PPFIA1: variants seen among roughly 807,000 people sequenced by gnomAD.
PPFIA1 encodes liprin-alpha-1.
PPFIA1 carries 25 observed loss-of-function variants against 149.9 expected under a neutral mutation model. That is an observed-to-expected ratio of 0.17 (90% CI 0.12 to 0.23). PPFIA1 has a LOEUF of 0.23. PPFIA1 is among the 10% of genes least tolerant of loss of function. PPFIA1 has a pLI of 1.00. For synonymous variants in PPFIA1, 549 were observed against 552.8 expected (o/e 0.99, Z 0.10); for missense variants, 1,362 against 1,506.5 (o/e 0.90, Z 1.59).
At chr11:70,369,916 C>G (rs1253563543) in intron 21 of PPFIA1, among the ~76,000 whole-genome samples, 1 of 151,674 alleles carries the variant, frequency 6.6e-6, no homozygotes, top group African/African-American at 2.4e-5. Flanking sequence ...AAGTTACCGA[C>G]ATGGCCACCA....
chr11:70,295,415 TG>T lies in PPFIA1; in HGVS notation c.264+22981del, dbSNP rs1212117717. 3.5e-4 allele frequency among the ~76,000 whole-genome samples: 48 copies of T among 138,448 alleles called. 1 individual carries two copies. Among genetic ancestry groups the T allele is most frequent in the South Asian group, 4.9e-4 (2 of 4,062 alleles). 90.8% of individuals were successfully genotyped at this position (138,448 alleles called of 152,430 possible). On this transcript the variant is annotated intron_variant, in intron 2 of 27. Transcript: ENST00000253925. ...CCATCTCCCTCCCGGATGAGGTGGC[TG>T]GCCGGGCACAGGGGCTCCTCACTTC...
At chr11:70,337,275 G>GT in intron 11 of PPFIA1, 90 bp from the exon 12 acceptor site, 1 of 877,082 alleles carries the variant, frequency 1.1e-6, no homozygotes, top group Non-Finnish European at 1.7e-6. Context: ...CCCTTTGTGT[G>GT]GTCCTTTTTT....
intron 2 of PPFIA1, among the ~76,000 whole-genome samples, chr11:70,299,084 C>G (rs2052293927): frequency 2.6e-5 from 4 of 151,928 alleles, no homozygotes; most frequent in Admixed American, 2.0e-4. Context: ...ACTAAAAACA[C>G]AAAAATTAGC....
rs1261429381 is a variant in PPFIA1, at chr11:70,375,196, A to C, written c.3315+103A>C. 4.5e-5 allele frequency: 19 copies of C among 419,940 alleles called. No homozygotes were observed. The East Asian group carries it at 8.2e-4, about 18-fold the overall frequency. The allele number at this position is 419,940 out of a possible 1,614,324, so 26.0% of individuals were successfully genotyped here. A position where few individuals can be genotyped will look rare whatever the true frequency, so the allele number is the denominator to read the frequency against. On this transcript the variant is annotated intron_variant, in intron 24 of 27. Coordinates refer to ENST00000253925, the MANE Select transcript of PPFIA1 (RefSeq NM_003626.5). ...AAAGAAACTTTAAAAAAAAAAAAAA[A>C]AAAAAACTTCAGACAACTAGTTTTT...
intron 21 of PPFIA1, among the ~76,000 whole-genome samples, chr11:70,367,893 T>G (rs1332168215): frequency 6.6e-6 from 1 of 152,122 alleles, no homozygotes; most frequent in Non-Finnish European, 1.5e-5. Context: ...CCCAGCACTT[T>G]GGGAGGCTGA....
chr11:70,334,024 G>T (rs2054825762), intron 10 of PPFIA1, among the ~76,000 whole-genome samples: 1 of 152,176 alleles, frequency 6.6e-6, no homozygotes, highest in Admixed American at 6.5e-5. Context: ...TGGCGTGTTG[G>T]AATGAATGTT....
intron 26 of PPFIA1, among the ~76,000 whole-genome samples, chr11:70,378,906 A>G (rs2057594023): frequency 6.6e-6 from 1 of 152,142 alleles, no homozygotes; most frequent in Non-Finnish European, 1.5e-5. Context: ...CCTTGTACTC[A>G]TCTAATGAAA....
intron 23 of PPFIA1, chr11:70,374,643 C>T: frequency 2.8e-6 from 1 of 362,952 alleles, no homozygotes; most frequent in Non-Finnish European, 4.9e-6. Flanking sequence ...GGATCCTCAT[C>T]ATCTTCTTTT....
At chr11:70,317,689 G>A (rs140486586) in intron 2 of PPFIA1, among the ~76,000 whole-genome samples, 49 of 152,216 alleles carry the variant, frequency 3.2e-4, no homozygotes, top group Non-Finnish European at 5.9e-4. Context: ...GAGTGACAGC[G>A]TGCTGGGGGG....
intron 2 of PPFIA1, among the ~76,000 whole-genome samples, chr11:70,318,448 T>C (rs968984501): frequency 4.6e-5 from 7 of 152,334 alleles, no homozygotes; most frequent in African/African-American, 1.7e-4. Context: ...GTCACTTGAC[T>C]TACCTGCTTT....
At chr11:70,338,534 A>C in intron 13 of PPFIA1, 81 bp downstream of exon 13, 3 of 1,145,144 alleles carry the variant, frequency 2.6e-6, no homozygotes, top group Admixed American at 3.7e-5. Flanking sequence ...GCCTAACTGG[A>C]TGTGGCTAAT....
chr11:70,330,340 T>C (rs749052345), intron 8 of PPFIA1, 21 bp downstream of exon 8: 1 of 1,540,562 alleles, frequency 6.5e-7, no homozygotes, highest in Admixed American at 2.3e-5. Context: ...TTATCGACCT[T>C]TGTCTGGCTT....
At chr11:70,338,661 G>A (rs897819427) in intron 13 of PPFIA1, among the ~76,000 whole-genome samples, 1 of 152,244 alleles carries the variant, frequency 6.6e-6, no homozygotes, top group African/African-American at 2.4e-5. Flanking sequence ...CACAGGAGGA[G>A]TTTTGATCAG....
rs1324943861 is a variant in PPFIA1, at chr11:70,383,442, G to A, written c.*452G>A. 5.6e-6 allele frequency: 1 copy of A among 178,308 alleles called. No individual in the cohort carries two copies. The highest frequency in any genetic ancestry group is 2.4e-5 in the African/African-American group (1 of 41,546). The allele number at this position is 178,308 out of a possible 1,614,324, so 11.0% of individuals were successfully genotyped here. ...AAGGATTTTACGTTTATAAAATTAT[G>A]ACAGAAGCCATGTGCATTATCCTTT... On this transcript the variant is annotated 3_prime_UTR_variant, in exon 28 of 28. Coordinates refer to ENST00000253925, the MANE Select transcript of PPFIA1 (RefSeq NM_003626.5).
At chr11:70,336,848 G>C (rs2137022692) in intron 11 of PPFIA1, among the ~76,000 whole-genome samples, 1 of 152,274 alleles carries the variant, frequency 6.6e-6, no homozygotes, top group East Asian at 1.9e-4. Flanking sequence ...GTTAGGATTG[G>C]GGTCTGCTCA....
intron 2 of PPFIA1, among the ~76,000 whole-genome samples, chr11:70,278,031 C>A (rs1474092432): frequency 6.6e-6 from 1 of 152,046 alleles, no homozygotes; most frequent in African/African-American, 2.4e-5. Context: ...CTGCCTCAGC[C>A]GCCCGAGTAG....
chr11:70,288,518 A>G (rs1289512275), intron 2 of PPFIA1, among the ~76,000 whole-genome samples: 1 of 152,072 alleles, frequency 6.6e-6, no homozygotes, highest in Non-Finnish European at 1.5e-5. Context: ...GAGACCGTCA[A>G]CCTCATGGTT....
intron 2 of PPFIA1, among the ~76,000 whole-genome samples, chr11:70,302,770 T>A (rs994225239): frequency 1.0e-5 from 1 of 97,498 alleles, no homozygotes; most frequent in Non-Finnish European, 2.1e-5. Flanking sequence ...CTCAACACCA[T>A]TTTTTTTTTT....
rs182077038 is a variant in PPFIA1, at chr11:70,354,145, C to T, written c.2164-156C>T. 1.4e-4 allele frequency: 102 copies of T among 715,990 alleles called. No individual in the cohort carries two copies. The Admixed American group carries it at 1.7e-3, about 12-fold the overall frequency. 44.4% of individuals were successfully genotyped at this position (715,990 alleles called of 1,614,324 possible). A position where few individuals can be genotyped will look rare whatever the true frequency, so the allele number is the denominator to read the frequency against. ...CTGACAACTCTGTGGTGCTGTGCTG[C>T]GTGGCCCTTCAGAATGGTGCCAGAC... is the stretch of plus-strand genomic sequence containing the variant. On this transcript the variant is annotated intron_variant, in intron 16 of 27. Coordinates refer to ENST00000253925, the MANE Select transcript of PPFIA1 (RefSeq NM_003626.5).
Sources: gnomAD v4.1 joint callset for allele counts (sites outside exome capture counted in the v4.1 genomes callset) on GRCh38, gnomAD v4.1.1 for gene constraint, MANE v1.5 for transcripts, NCBI Gene and HGNC (gene_info 2026-07-23, HGNC 2026-07-21) for gene names.